CSMD1: variants seen among roughly 807,000 people sequenced by gnomAD.
CSMD1 encodes CUB and sushi domain-containing protein 1.
CSMD1 carries 213 observed loss-of-function variants against 417.5 expected under a neutral mutation model. The observed-to-expected ratio is 0.51, with a 90% CI of 0.46 to 0.57. The LOEUF (loss-of-function observed/expected upper bound fraction) is 0.57. Among genes scored for constraint, CSMD1 ranks in the 20% least tolerant of loss-of-function variants. The pLI is 0.00. For missense variants in CSMD1, 6,923 were observed against 4,529.7 expected (o/e 1.53, Z -15.17); for synonymous variants, 2,862 against 1,736.8 (o/e 1.65, Z -16.11).
intron 3 of CSMD1, among the ~76,000 whole-genome samples, chr8:4,356,641 T>C (rs1231549738): frequency 6.6e-6 from 1 of 152,220 alleles, no homozygotes; most frequent in African/African-American, 2.4e-5. Flanking sequence ...ATTCTGGTCC[T>C]GCGAAGGTAG....
chr8:3,134,438 T>A (rs989551949), intron 41 of CSMD1, among the ~76,000 whole-genome samples: 5 of 152,044 alleles, frequency 3.3e-5, no homozygotes, highest in African/African-American at 1.2e-4. Flanking sequence ...ACTCTCAGGG[T>A]TTTGGCGAGG....
intron 1 of CSMD1, among the ~76,000 whole-genome samples, chr8:4,748,442 A>G (rs1237360361): frequency 6.6e-6 from 1 of 152,226 alleles, no homozygotes; most frequent in Admixed American, 6.5e-5. Context: ...TATCATATTT[A>G]TGACCCAAGT....
intron 9 of CSMD1, among the ~76,000 whole-genome samples, chr8:3,575,560 C>G (rs1477464312): frequency 6.6e-6 from 1 of 152,124 alleles, no homozygotes; most frequent in Non-Finnish European, 1.5e-5. Context: ...GTCTTTTCAA[C>G]TTTAAAAAAG....
chr8:3,767,490 C>G (rs1331725360), intron 5 of CSMD1, among the ~76,000 whole-genome samples: 3 of 152,198 alleles, frequency 2.0e-5, no homozygotes, highest in Non-Finnish European at 4.4e-5. Flanking sequence ...TCTTTTTCTA[C>G]TTCCCCCAAC....
At chr8:3,772,218 A>T (rs1416814714) in intron 5 of CSMD1, among the ~76,000 whole-genome samples, 1 of 140,144 alleles carries the variant, frequency 7.1e-6, no homozygotes, top group East Asian at 2.0e-4. Context: ...ACACACACAT[A>T]TAATACACAC....
In CSMD1 at chr8:4,110,306, C is replaced by G. The variant is rs56996980; in HGVS notation, c.416-78207G>C. Among the ~76,000 whole-genome samples the G allele has an allele frequency of 1.0e-3, 159 of 152,146 alleles. No individual in the cohort carries two copies. In the East Asian group the frequency reaches 0.022, roughly 21 times the overall value. On this transcript the variant is annotated intron_variant, in intron 3 of 69. Transcript: ENST00000635120. The stretch of plus-strand genomic sequence containing the variant: ...AAGCAATTTTAATTTATTTATCCAC[C>G]ATTTCCCAGGAACTTGTGAATTTTT...
chr8:3,051,937 T>C (rs796624103), intron 50 of CSMD1, among the ~76,000 whole-genome samples: 1 of 152,308 alleles, frequency 6.6e-6, no homozygotes, highest in Non-Finnish European at 1.5e-5. Context: ...AGACTGTAAA[T>C]AGCTTTCTCG....
intron 5 of CSMD1, among the ~76,000 whole-genome samples, chr8:3,795,628 C>A: frequency 7.0e-5 from 2 of 28,616 alleles, no homozygotes; most frequent in Non-Finnish European, 1.2e-4. Context: ...AGATATATAT[C>A]TATCATGTAT....
chr8:4,919,108 T>G (rs1806264000), intron 1 of CSMD1, among the ~76,000 whole-genome samples: 1 of 152,248 alleles, frequency 6.6e-6, no homozygotes, highest in South Asian at 2.1e-4. Context: ...ATGTAACATG[T>G]CATGCCTTAC....
chr8:3,142,123 C>A (rs1321891471), intron 41 of CSMD1, among the ~76,000 whole-genome samples: 2 of 152,142 alleles, frequency 1.3e-5, no homozygotes, highest in Non-Finnish European at 1.5e-5. Context: ...AAACTTGAAT[C>A]CCTGAATGCT....
intron 10 of CSMD1, among the ~76,000 whole-genome samples, chr8:3,540,906 C>G (rs537372659): frequency 1.3e-5 from 2 of 152,124 alleles, no homozygotes; most frequent in Non-Finnish European, 1.5e-5. Context: ...TGTGGAGAAA[C>G]AGAAACTCTT....
At chr8:3,518,460 C>T (rs1283787922) in intron 10 of CSMD1, among the ~76,000 whole-genome samples, 1 of 152,048 alleles carries the variant, frequency 6.6e-6, no homozygotes, top group African/African-American at 2.4e-5. Flanking sequence ...CACATAGAAA[C>T]AATATTGCTT....
intron 5 of CSMD1, among the ~76,000 whole-genome samples, chr8:3,991,246 C>G (rs1167801222): frequency 6.6e-6 from 1 of 152,180 alleles, no homozygotes; most frequent in Admixed American, 6.5e-5. Context: ...AGAAATTATC[C>G]GTACAGTAGA....
At chr8:3,836,241 G>C (rs1455131131) in intron 5 of CSMD1, among the ~76,000 whole-genome samples, 2 of 151,880 alleles carry the variant, frequency 1.3e-5, no homozygotes, top group Non-Finnish European at 2.9e-5. Context: ...TTTAATATTT[G>C]GTTATCTGCT....
chr8:4,906,025 T>C (rs1204699916), intron 1 of CSMD1, among the ~76,000 whole-genome samples: 4 of 152,040 alleles, frequency 2.6e-5, no homozygotes, highest in African/African-American at 9.7e-5. Context: ...TAAATTAAAA[T>C]AGAAAGCATA....
intron 11 of CSMD1, among the ~76,000 whole-genome samples, chr8:3,489,499 C>T (rs1818246619): frequency 6.6e-6 from 1 of 152,196 alleles, no homozygotes; most frequent in African/African-American, 2.4e-5. Context: ...CATGCAGTTC[C>T]TCCACAAATC....
intron 3 of CSMD1, among the ~76,000 whole-genome samples, chr8:4,182,029 T>G (rs1390605416): frequency 8.5e-6 from 1 of 117,212 alleles, no homozygotes; most frequent in Non-Finnish European, 2.0e-5. Flanking sequence ...CACACCCGTG[T>G]GTGTGTGTGT....
chr8:3,188,121 C>G (rs1378797446), intron 35 of CSMD1, among the ~76,000 whole-genome samples, 156 bp from the exon 36 acceptor site: 2 of 143,802 alleles, frequency 1.4e-5, no homozygotes, highest in Non-Finnish European at 3.0e-5. Flanking sequence ...TTAATAATGC[C>G]TCCAATGCCA....
intron 3 of CSMD1, among the ~76,000 whole-genome samples, chr8:4,362,408 C>A (rs923168693): frequency 1.3e-5 from 2 of 152,008 alleles, no homozygotes; most frequent in Non-Finnish European, 2.9e-5. Flanking sequence ...GTCTCAGGTC[C>A]GAGGGATTAG....
Sources: gnomAD v4.1 joint callset for allele counts (sites outside exome capture counted in the v4.1 genomes callset) on GRCh38, gnomAD v4.1.1 for gene constraint, MANE v1.5 for transcripts, NCBI Gene and HGNC (gene_info 2026-07-23, HGNC 2026-07-21) for gene names.